COL23A1: variants seen among roughly 807,000 people sequenced by gnomAD.
The protein encoded by COL23A1 is collagen alpha-1(XXIII) chain.
In COL23A1, 97 loss-of-function variants were observed where a neutral mutation model predicts 99.3. That is an observed-to-expected ratio of 0.98 (90% confidence interval 0.83 to 1.16). COL23A1 has a LOEUF of 1.16. Among genes scored for constraint, COL23A1 ranks in the 50% most tolerant of loss-of-function variants. The pLI, the probability that COL23A1 is intolerant of heterozygous loss-of-function variation, is 0.00. For synonymous variants in COL23A1, 320 were observed against 308.2 expected, an observed-to-expected ratio of 1.04 and a Z score of -0.40; for missense variants, 762 against 757.4, an observed-to-expected ratio of 1.01 and a Z score of -0.07.
At chr5:178,427,552 T>G (rs1180471867) in intron 2 of COL23A1, among the ~76,000 whole-genome samples, 1 of 152,204 alleles carries the variant, frequency 6.6e-6, no homozygotes, top group African/African-American at 2.4e-5. Context: ...GTAGGTAAGT[T>G]GTGGTACAGC....
chr5:178,397,181 C>T lies in COL23A1; in HGVS notation c.362-90262G>A, dbSNP rs1658450416. The stretch of plus-strand genomic sequence containing the variant: ...TACTCAGTACCACCTTGGAGTCAGG[C>T]TGGCCTGGTCATTAATTCACTCCTT... On this transcript the variant is annotated intron_variant, in intron 2 of 28. Transcript: ENST00000390654. Among the ~76,000 whole-genome samples, 3 of 152,326 alleles carry T rather than the reference C, an allele frequency of 2.0e-5. No homozygotes were observed. The South Asian group carries it at 6.2e-4, about 32-fold the overall frequency.
rs765010203 is a variant in COL23A1 at position 178,242,379 on chromosome 5, G to A, written c.1456C>T (p.Arg486Ter). 4.3e-6 allele frequency: 7 copies of A among 1,613,982 alleles called. No individual in the cohort carries two copies. Among genetic ancestry groups the A allele is most frequent in the South Asian group, 1.1e-5 (1 of 91,058 alleles). The change falls in exon 26 of 29, where the codon CGA becomes TGA. Residue 486 changes from arginine to a stop codon, truncating the protein, a stop_gained. Transcript: ENST00000390654. LOFTEE classifies it high-confidence loss of function. Reference protein sequence around the residue: ...EPGLDGFPGPRGEKGDRSERG... With the variant: ...EPGLDGFPGP ...TCGCTCCGATCACCTTTCTCTCCTC[G>A]GGGTCCAGGGAAACCCTGACAAAAG...
rs989930079 is a variant in COL23A1 at position 178,590,098 on chromosome 5, G to A, written c.100C>T (p.Arg34Trp). 2 of 1,271,676 alleles carry A rather than the reference G, an allele frequency of 1.6e-6. No individual in the cohort carries two copies. Among genetic ancestry groups the A allele is most frequent in the African/African-American group, 1.6e-5 (1 of 63,864 alleles). 78.8% of individuals were successfully genotyped at this position (1,271,676 alleles called of 1,614,324 possible). A position where few individuals can be genotyped will look rare whatever the true frequency, so the allele number is the denominator to read the frequency against. The change falls in exon 1 of 29, where the codon CGG (arginine) becomes TGG (tryptophan). Residue 34 changes from arginine (R) to tryptophan (W), a missense_variant. Coordinates refer to ENST00000390654, the MANE Select transcript of COL23A1 (RefSeq NM_173465.4). The surrounding 1 kb of genome is among the most constrained non-coding windows in gnomAD (Gnocchi z 5.7). The stretch of plus-strand genomic sequence containing the variant: ...AGCAGGCACAGCGCGCTCACCGCCC[G>A]GGACCCGGCCGTCGTCGCCGAGCGC... ...GGRSATTAGS[R>W]AVSALCLLLS...
chr5:178,585,811 C>T (rs902147338), intron 1 of COL23A1, among the ~76,000 whole-genome samples: 2 of 88,588 alleles, frequency 2.3e-5, no homozygotes, highest in African/African-American at 7.7e-5. Flanking sequence ...GATTCTGTTC[C>T]AGCGGCAACA....
chr5:178,340,308 T>C lies in COL23A1; in HGVS notation c.362-33389A>G, dbSNP rs1370940146. On this transcript the variant is annotated intron_variant, in intron 2 of 28. Coordinates refer to ENST00000390654, the MANE Select transcript of COL23A1 (RefSeq NM_173465.4). The surrounding 1 kb of genome is among the most constrained non-coding windows in gnomAD (Gnocchi z 4.7). ...TGTGCTCATGTAAGAAAAACAATTA[T>C]CCAAGAAGCATGTGTCAGAACAGCT... 6.6e-6 allele frequency among the ~76,000 whole-genome samples: 1 copy of C among 152,144 alleles called. No individual in the cohort carries two copies. The highest frequency in any genetic ancestry group is 1.5e-5 in the Non-Finnish European group (1 of 68,028).
rs1265805069 is a variant in COL23A1 at position 178,366,476 on chromosome 5, C to T, written c.362-59557G>A. ...TTTGGGGCCATCATCTCTTGTGCAT[C>T]TTTGCTCACGGCGTCTTCTGCACCT... On this transcript the variant is annotated intron_variant, in intron 2 of 28. Coordinates refer to ENST00000390654, the MANE Select transcript of COL23A1 (RefSeq NM_173465.4). This position sits in a 1 kb window ranked among gnomAD's most constrained non-coding sequence, Gnocchi z 4.4. 6.6e-6 allele frequency among the ~76,000 whole-genome samples: 1 copy of T among 152,214 alleles called. No individual in the cohort carries two copies. Among genetic ancestry groups the T allele is most frequent in the South Asian group, 2.1e-4 (1 of 4,826 alleles).
intron 2 of COL23A1, among the ~76,000 whole-genome samples, chr5:178,471,892 C>T (rs940369649): frequency 5.9e-5 from 9 of 152,172 alleles, no homozygotes; most frequent in African/African-American, 2.2e-4. Context: ...TGACTGACTC[C>T]GGTGCTTCCC....
intron 3 of COL23A1, among the ~76,000 whole-genome samples, chr5:178,296,250 G>A (rs1210978120): frequency 6.6e-6 from 1 of 152,206 alleles, no homozygotes; most frequent in Non-Finnish European, 1.5e-5. Context: ...GTGCAGCCCA[G>A]ATGAGACGAA....
intron 2 of COL23A1, among the ~76,000 whole-genome samples, chr5:178,406,628 C>T (rs1764779065): frequency 6.6e-6 from 1 of 152,036 alleles, no homozygotes; most frequent in South Asian, 2.1e-4. Context: ...CAGGATTTCA[C>T]CATGTTGGTC....
chr5:178,423,685 C>A (rs945844686), intron 2 of COL23A1, among the ~76,000 whole-genome samples: 8 of 152,122 alleles, frequency 5.3e-5, no homozygotes, highest in Admixed American at 1.3e-4. Flanking sequence ...CTTGTTTGAT[C>A]CTACTCTAGC....
At chr5:178,286,454 G>A (rs546598975) in intron 5 of COL23A1, among the ~76,000 whole-genome samples, 2 of 152,176 alleles carry the variant, frequency 1.3e-5, no homozygotes, top group African/African-American at 2.4e-5. Flanking sequence ...GAGGGAGCCC[G>A]ATACCACCCC....
chr5:178,248,990 G>A (rs746211035), intron 19 of COL23A1, 127 bp downstream of exon 19: 10 of 867,952 alleles, frequency 1.2e-5, no homozygotes, highest in South Asian at 4.3e-5. Flanking sequence ...GTCCCCGGCC[G>A]GCTGGGCACT....
intron 2 of COL23A1, among the ~76,000 whole-genome samples, chr5:178,504,372 G>A (rs1581521296): frequency 6.6e-6 from 1 of 152,196 alleles, no homozygotes; most frequent in Admixed American, 6.5e-5. Context: ...GGACTCAGGA[G>A]GCCTGGCCTG....
chr5:178,334,039 G>A (rs993863820), intron 2 of COL23A1, among the ~76,000 whole-genome samples: 3 of 152,136 alleles, frequency 2.0e-5, no homozygotes, highest in Admixed American at 6.5e-5. Context: ...AGCTGGGGAG[G>A]TTGCAGCCAA....
intron 2 of COL23A1, among the ~76,000 whole-genome samples, chr5:178,476,431 T>C: frequency 6.6e-6 from 1 of 152,234 alleles, no homozygotes; most frequent in African/African-American, 2.4e-5. Context: ...CTTTGGTTTT[T>C]TGGCTCCTTT....
chr5:178,272,707 C>T (rs1161384076), intron 5 of COL23A1, among the ~76,000 whole-genome samples: 3 of 152,164 alleles, frequency 2.0e-5, no homozygotes, highest in African/African-American at 7.2e-5. Context: ...AGGCCTTCTG[C>T]CCTCGGTAGT....
At chr5:178,502,215 T>C (rs1446155049) in intron 2 of COL23A1, among the ~76,000 whole-genome samples, 1 of 152,196 alleles carries the variant, frequency 6.6e-6, no homozygotes, top group Non-Finnish European at 1.5e-5. Context: ...CACTGCAAGC[T>C]CTGCCTCCCA....
At chr5:178,449,651 C>G (rs560251987) in intron 2 of COL23A1, among the ~76,000 whole-genome samples, 1 of 151,780 alleles carries the variant, frequency 6.6e-6, no homozygotes, top group African/African-American at 2.4e-5. Context: ...CAACCTCCAA[C>G]GATGCCGCAC....
At chr5:178,581,836 G>C (rs1386106350) in intron 1 of COL23A1, among the ~76,000 whole-genome samples, 4 of 152,094 alleles carry the variant, frequency 2.6e-5, no homozygotes, top group Non-Finnish European at 5.9e-5. Context: ...CCATCACCTG[G>C]AAAAATGTGT....
Sources: allele counts gnomAD v4.1 joint callset (sites outside exome capture counted in the v4.1 genomes callset), GRCh38; gene constraint gnomAD v4.1.1; non-coding constraint Gnocchi (gnomAD v3.1); transcripts MANE v1.5; gene names NCBI Gene and HGNC (gene_info 2026-07-23, HGNC 2026-07-21).